Variants in CLIP1 observed in about 807,000 individuals in gnomAD.
The protein encoded by CLIP1 is CAP-Gly domain-containing linker protein 1.
CLIP1 carries 66 observed loss-of-function variants against 161.6 expected under a neutral mutation model. The observed-to-expected ratio is 0.41, with a 90% CI of 0.33 to 0.50. The LOEUF is 0.50. CLIP1 is among the 20% of genes least tolerant of loss of function. The probability of loss-of-function intolerance (pLI) is 0.27; values close to 1 mark genes in which losing one functional copy is unlikely to be tolerated. For missense variants in CLIP1, 1,376 were observed against 1,702.0 expected (o/e 0.81, Z 3.37); for synonymous variants, 598 against 626.2 (o/e 0.96, Z 0.67).
At chr12:122,357,590 C>A (rs1378358535) in intron 5 of CLIP1, among the ~76,000 whole-genome samples, 1 of 146,630 alleles carries the variant, frequency 6.8e-6, no homozygotes, top group Non-Finnish European at 1.5e-5. Flanking sequence ...CGGCCAGCCG[C>A]CCCGTCCGGA....
At chr12:122,301,651 G>A (rs145620417) in intron 20 of CLIP1, among the ~76,000 whole-genome samples, 316 of 152,304 alleles carry the variant, frequency 2.1e-3, no homozygotes, top group African/African-American at 6.9e-3. Flanking sequence ...TCCAGCCTGG[G>A]CGACAGAATC....
intron 20 of CLIP1, among the ~76,000 whole-genome samples, chr12:122,307,094 C>T (rs1331109847): frequency 6.8e-6 from 1 of 147,860 alleles, no homozygotes; most frequent in Non-Finnish European, 1.5e-5. Context: ...ACTGTAACCT[C>T]CACCTCCCAG....
rs1386093296 is a variant in CLIP1, at chr12:122,338,205, GCAC to G, written c.2452-1460_2452-1458del. 2.0e-5 allele frequency among the ~76,000 whole-genome samples: 3 copies of G among 152,150 alleles called. No homozygotes were observed. The East Asian group carries it at 5.8e-4, about 29-fold the overall frequency. ...ATACAAAAATTAGCCAGGCGTGGTG[GCAC>G]ACACCTGTGATCCCAGCTACTGGGG... On this transcript the variant is annotated intron_variant, in intron 11 of 25. Coordinates refer to ENST00000620786, the MANE Select transcript of CLIP1 (RefSeq NM_001247997.2).
Position 122,341,189 on chromosome 12 carries a change from T to C in CLIP1, c.2015A>G (p.His672Arg), listed in dbSNP as rs985928234. Residue 672 changes from histidine to arginine, a missense_variant, in exon 11 of 26, where the codon CAC (histidine) becomes CGC (arginine). Physicochemically the swap from His to Arg is conservative, Grantham distance 29. This residue lies in a region of CLIP1 where 948 missense variants were observed against 1,134.8 expected (regional missense o/e 0.84). Transcript: ENST00000620786. ...QIEKMRLDYQHEIENLQNQQD... is the reference protein window; with the variant it reads ...QIEKMRLDYQREIENLQNQQD... ...TTGATTCTGCAAATTTTCTATTTCGTGTTGGTAATCTAGTCTCATTTTCTC... is the reference window on the plus strand; with the variant it reads ...TTGATTCTGCAAATTTTCTATTTCGCGTTGGTAATCTAGTCTCATTTTCTC... 6 of 1,614,086 alleles carry C rather than the reference T, an allele frequency of 3.7e-6. No homozygotes were observed. Among genetic ancestry groups the C allele is most frequent in the Non-Finnish European group, 5.1e-6 (6 of 1,180,044 alleles).
At chr12:122,362,791 G>A (rs994467616) in intron 4 of CLIP1, among the ~76,000 whole-genome samples, 11 of 148,564 alleles carry the variant, frequency 7.4e-5, no homozygotes, top group African/African-American at 2.7e-4. Context: ...GGCATTGGAG[G>A]GAAAAAAAAA....
intron 1 of CLIP1, among the ~76,000 whole-genome samples, chr12:122,393,543 A>C (rs1403380029): frequency 1.3e-5 from 2 of 152,198 alleles, no homozygotes; most frequent in Non-Finnish European, 2.9e-5. Flanking sequence ...CAACCCAGTT[A>C]AAGAGAGACA....
chr12:122,324,938 A>G (rs1336987486), intron 17 of CLIP1, among the ~76,000 whole-genome samples: 1 of 151,996 alleles, frequency 6.6e-6, no homozygotes. Context: ...CTACAGCCTA[A>G]TTTCTAGGCT....
At chr12:122,386,449 C>G (rs959831058) in intron 1 of CLIP1, among the ~76,000 whole-genome samples, 2 of 151,992 alleles carry the variant, frequency 1.3e-5, no homozygotes, top group African/African-American at 4.8e-5. Flanking sequence ...ACAGTGAGTC[C>G]GTGGAGCAGG....
intron 3 of CLIP1, among the ~76,000 whole-genome samples, chr12:122,370,530 T>C (rs1954394253): frequency 6.6e-6 from 1 of 152,206 alleles, no homozygotes; most frequent in East Asian, 1.9e-4. Context: ...TTATTCCTTT[T>C]ATGATATCAT....
intron 17 of CLIP1, 55 bp from the exon 18 acceptor site, chr12:122,319,403 G>C (rs1472989412): frequency 1.5e-6 from 2 of 1,333,388 alleles, no homozygotes; most frequent in Non-Finnish European, 2.2e-6. Context: ...AACACCGTTA[G>C]GTGAGGATCG....
chr12:122,355,022 C>A lies in CLIP1; in HGVS notation c.1203+93G>T. The A allele has an allele frequency of 8.9e-7, 1 of 1,125,304 alleles. No individual in the cohort carries two copies. Among genetic ancestry groups the A allele is most frequent in the South Asian group, 1.4e-5 (1 of 70,082 alleles). 69.7% of individuals were successfully genotyped at this position (1,125,304 alleles called of 1,614,324 possible). ...ACACCCATTTCTTGTGCTCTCAAGTCTAGCTCCTCGGTGCCAAGCACCGGG... is the reference window on the plus strand; with the variant it reads ...ACACCCATTTCTTGTGCTCTCAAGTATAGCTCCTCGGTGCCAAGCACCGGG... On this transcript the variant is annotated intron_variant, in intron 6 of 25. Coordinates refer to ENST00000620786, the MANE Select transcript of CLIP1 (RefSeq NM_001247997.2). The surrounding 1 kb of genome is among the most constrained non-coding windows in gnomAD (Gnocchi z 4.1).
chr12:122,388,890 G>C (rs570870880), intron 1 of CLIP1, among the ~76,000 whole-genome samples: 1 of 152,216 alleles, frequency 6.6e-6, no homozygotes, highest in East Asian at 1.9e-4. Flanking sequence ...GCTAAAGTTT[G>C]AGAACCACTG....
intron 1 of CLIP1, among the ~76,000 whole-genome samples, chr12:122,390,337 G>A (rs1301195852): frequency 1.5e-5 from 2 of 134,206 alleles, no homozygotes; most frequent in African/African-American, 5.8e-5. Context: ...TTTTTAAACG[G>A]AGTCTCGCTC....
intron 11 of CLIP1, among the ~76,000 whole-genome samples, chr12:122,338,114 T>C (rs1952328025): frequency 1.3e-5 from 2 of 150,744 alleles, no homozygotes; most frequent in Non-Finnish European, 1.5e-5. Context: ...GGTCAGCAGA[T>C]CTCAGCTGAG....
At chr12:122,417,275 G>A (rs1421198516) in intron 1 of CLIP1, among the ~76,000 whole-genome samples, 2 of 151,818 alleles carry the variant, frequency 1.3e-5, no homozygotes, top group Middle Eastern at 3.4e-3. Flanking sequence ...CAGCCTGGGG[G>A]ACAAAAACAA....
intron 17 of CLIP1, among the ~76,000 whole-genome samples, chr12:122,326,882 T>C: frequency 6.6e-6 from 1 of 151,756 alleles, no homozygotes; most frequent in East Asian, 1.9e-4. Flanking sequence ...AGAAGAGAAA[T>C]CCTCAACTAT....
At chr12:122,383,530 C>T (rs959165095) in intron 1 of CLIP1, among the ~76,000 whole-genome samples, 4 of 152,180 alleles carry the variant, frequency 2.6e-5, no homozygotes, top group African/African-American at 7.2e-5. Flanking sequence ...GTTGTCGGTC[C>T]ATCTGTGTTC....
chr12:122,373,925 G>A (rs767398736), intron 3 of CLIP1, among the ~76,000 whole-genome samples: 1 of 152,046 alleles, frequency 6.6e-6, no homozygotes, highest in Non-Finnish European at 1.5e-5. Flanking sequence ...AATGAAGACA[G>A]ACACAAAAAA....
intron 21 of CLIP1, among the ~76,000 whole-genome samples, chr12:122,284,355 CTT>C (rs111603170): frequency 5.6e-5 from 8 of 143,836 alleles, no homozygotes; most frequent in Admixed American, 1.4e-4. Flanking sequence ...TTTGTTTCAT[CTT>C]TTTTTTTTTT....
Sources: allele counts gnomAD v4.1 joint callset (sites outside exome capture counted in the v4.1 genomes callset), GRCh38; gene constraint gnomAD v4.1.1; regional missense constraint gnomAD v4.1.1; non-coding constraint Gnocchi (gnomAD v3.1); transcripts MANE v1.5; gene names NCBI Gene and HGNC (gene_info 2026-07-23, HGNC 2026-07-21).